The following GMPPA variants were observed in gnomAD, a reference collection of about 807,000 sequenced individuals.
GMPPA encodes mannose-1-phosphate guanylyltransferase regulatory subunit alpha.
A neutral mutation model predicts 58.6 loss-of-function variants in GMPPA; 46 were observed. The observed-to-expected ratio is 0.78, with a 90% CI of 0.62 to 1.00. GMPPA has a LOEUF of 1.00. Among genes scored for constraint, GMPPA ranks in the 50% least tolerant of loss-of-function variants. GMPPA has a pLI of 0.00. For missense variants in GMPPA, 468 were observed against 556.4 expected (o/e 0.84, Z 1.60); for synonymous variants, 211 against 214.9 (o/e 0.98, Z 0.16).
At chr2:219,499,721 G>C (rs560995723) in intron 1 of GMPPA, 7 of 587,378 alleles carry the variant, frequency 1.2e-5, no homozygotes, top group South Asian at 2.0e-5. Flanking sequence ...TTACATCTTG[G>C]GGGAGGGCTA....
intron 7 of GMPPA, chr2:219,504,532 G>A (rs1694508107): frequency 2.5e-6 from 1 of 405,174 alleles, no homozygotes; most frequent in Non-Finnish European, 4.5e-6. Flanking sequence ...ATGCTCGGGT[G>A]CAGACGTGTG....
chr2:219,501,777 G>A lies in GMPPA; in HGVS notation c.243-74G>A, dbSNP rs547259164. 2.1e-4 allele frequency: 288 copies of A among 1,349,970 alleles called. 3 individuals are homozygous for A. In the South Asian group the frequency reaches 2.7e-3, roughly 13 times the overall value. The allele number at this position is 1,349,970 out of a possible 1,614,324, so 83.6% of individuals were successfully genotyped here. ...GGAGTAGTCCTGGGAGCAAGCGGTG[G>A]CGGTCAGGTGCCCTGGCTCATGGTA... On this transcript the variant is annotated intron_variant, in intron 4 of 12. Transcript: ENST00000313597.
intron 6 of GMPPA, 124 bp from the exon 7 acceptor site, chr2:219,503,959 G>A: frequency 9.7e-7 from 1 of 1,028,674 alleles, no homozygotes; most frequent in Non-Finnish European, 1.5e-6. Context: ...GATGCGCACT[G>A]CATTTTAGCC....
Position 219,500,006 on chromosome 2 carries a change from C to A in GMPPA, c.31C>A (p.Pro11Thr). 1 of 1,613,608 alleles carries A rather than the reference C, an allele frequency of 6.2e-7. No individual in the cohort carries two copies. The highest frequency in any genetic ancestry group is 8.5e-7 in the Non-Finnish European group (1 of 1,179,688). Residue 11 changes from proline to threonine, a missense_variant, in exon 2 of 13, where the codon CCT becomes ACT. Transcript: ENST00000313597. MLKAVILIGG[P>T]QKGTRFRPLS... ...CAAAGCGGTGATCCTGATTGGAGGC[C>A]CTCAAAAGGGTGAGGTGCCAGGGGA...
Position 219,504,003 on chromosome 2 carries a change from A to C in GMPPA, c.490-80A>C, listed in dbSNP as rs1052576847. On this transcript the variant is annotated intron_variant, in intron 6 of 12. Transcript: ENST00000313597. ...CTGGCAGCAGGGAGGAGAGGCAAGA[A>C]GGGCCTAGAAATCAGAGGGTCTTAG... The C allele has an allele frequency of 1.1e-5, 17 of 1,516,804 alleles. No homozygotes were observed. In the African/African-American group the frequency reaches 2.1e-4, roughly 19 times the overall value. The allele number at this position is 1,516,804 out of a possible 1,614,324, so 94.0% of individuals were successfully genotyped here.
Position 219,502,451 on chromosome 2 carries a change from G to A in GMPPA, c.489+10G>A. 6.2e-7 allele frequency: 1 copy of A among 1,611,746 alleles called. No homozygotes were observed. Among genetic ancestry groups the A allele is most frequent in the African/African-American group, 1.3e-5 (1 of 74,990 alleles). On this transcript the variant is annotated intron_variant, in intron 6 of 12. Transcript: ENST00000313597. The surrounding 1 kb of genome is among the most constrained non-coding windows in gnomAD (Gnocchi z 4.0). Reference sequence around the variant, plus strand: ...TCCACAGACACACGAGGTGAGAGCAGAGTGGGGGCTGGGTGGGTGCCTACT... The same window carrying A: ...TCCACAGACACACGAGGTGAGAGCAAAGTGGGGGCTGGGTGGGTGCCTACT...
intron 1 of GMPPA, 58 bp from the exon 2 acceptor site, chr2:219,499,897 GT>G: frequency 7.4e-7 from 1 of 1,356,862 alleles, no homozygotes; most frequent in Non-Finnish European, 1.1e-6. Flanking sequence ...TGCTATTTGG[GT>G]TTTGGGGCTT....
At chr2:219,503,505 C>T (rs1350845948) in intron 6 of GMPPA, among the ~76,000 whole-genome samples, 2 of 152,160 alleles carry the variant, frequency 1.3e-5, no homozygotes, top group Non-Finnish European at 2.9e-5. Flanking sequence ...CATGTACACA[C>T]CTACACACAT....
intron 7 of GMPPA, chr2:219,504,858 C>A (rs982712113): frequency 2.8e-6 from 3 of 1,087,282 alleles, no homozygotes; most frequent in Non-Finnish European, 3.4e-6. Context: ...CACCAGCTGC[C>A]TTGCTCTGGG....
intron 7 of GMPPA, chr2:219,504,429 C>T: frequency 1.7e-6 from 1 of 584,686 alleles, no homozygotes; most frequent in Non-Finnish European, 3.0e-6. Context: ...CTGTCACTGC[C>T]TGCCCACTCC....
chr2:219,505,983 G>T lies in GMPPA; in HGVS notation c.904G>T (p.Gly302Cys). 1 of 1,573,020 alleles carries T rather than the reference G, an allele frequency of 6.4e-7. No individual in the cohort carries two copies. Among genetic ancestry groups the T allele is most frequent in the East Asian group, 2.3e-5 (1 of 43,220 alleles). The part of the protein sequence containing the change: ...TAKVAPSAVL[G>C]PNVSIGKGVT... The stretch of plus-strand genomic sequence containing the variant: ...TGGTGTGTGCTTCTCTCCACAGCTG[G>T]GCCCCAACGTCTCCATCGGGAAGGG... The change falls in exon 11 of 13, where the codon GGC becomes TGC. Residue 302 changes from glycine (G) to cysteine (C), a missense_variant. Gly to Cys is a radical substitution (Grantham distance 159). Transcript: ENST00000313597.
intron 7 of GMPPA, chr2:219,504,983 GC>G: frequency 1.1e-6 from 1 of 923,560 alleles, no homozygotes; most frequent in South Asian, 2.2e-5. Flanking sequence ...TGGAAATGGG[GC>G]AGGGATGGGA....
rs539246802 is a variant in GMPPA, at chr2:219,502,070, G to A, written c.429+33G>A. 1 of 1,604,972 alleles carries A rather than the reference G, an allele frequency of 6.2e-7. No individual in the cohort carries two copies. The highest frequency in any genetic ancestry group is 1.1e-5 in the South Asian group (1 of 90,726). On this transcript the variant is annotated intron_variant, in intron 5 of 12. Coordinates refer to ENST00000313597, the MANE Select transcript of GMPPA (RefSeq NM_013335.4). The surrounding 1 kb of genome is among the most constrained non-coding windows in gnomAD (Gnocchi z 4.0). Reference sequence around the variant, plus strand: ...GGTCAGGAGGGCTGGAGGGTGTAGAGGAGGTGATCCCAAGAGCTTCCCGGA... The same window carrying A: ...GGTCAGGAGGGCTGGAGGGTGTAGAAGAGGTGATCCCAAGAGCTTCCCGGA...
intron 7 of GMPPA, 66 bp from the exon 8 acceptor site, chr2:219,505,162 A>T: frequency 6.5e-7 from 1 of 1,547,852 alleles, no homozygotes; most frequent in Non-Finnish European, 8.9e-7. Context: ...TCCCTGGGAG[A>T]CTGTGTTAGC....
Position 219,505,759 on chromosome 2 carries a change from G to A in GMPPA, c.898G>A (p.Val300Met), listed in dbSNP as rs777036634. The change falls in exon 10 of 13, where the codon GTG becomes ATG. Residue 300 changes from valine (V) to methionine (M), a missense_variant and splice_region_variant. Physicochemically the swap from Val to Met is conservative, Grantham distance 21 (BLOSUM62 1). Transcript: ENST00000313597. ...HPTAKVAPSA[V>M]LGPNVSIGKG... ...GACCGCCAAGGTGGCCCCCTCGGCT[G>A]TGGTGAGCACTGGTCCCAGCCCCAG... The A allele has an allele frequency of 6.2e-7, 1 of 1,605,872 alleles. No homozygotes were observed. Among genetic ancestry groups the A allele is most frequent in the Non-Finnish European group, 8.5e-7 (1 of 1,177,082 alleles).
chr2:219,506,044 G>C lies in GMPPA; in HGVS notation c.965G>C (p.Ser322Thr). 1 of 1,593,286 alleles carries C rather than the reference G, an allele frequency of 6.3e-7. No individual in the cohort carries two copies. Among genetic ancestry groups the C allele is most frequent in the Middle Eastern group, 1.7e-4 (1 of 6,020 alleles). ...TVGEGVRLRESIVLHGATLQE... is the reference protein window; with the variant it reads ...TVGEGVRLRETIVLHGATLQE... ...GGTGAGGGTGTGCGGCTCCGGGAGA[G>C]CATCGTCCTCCATGGAGCCACTTTG... Residue 322 changes from serine to threonine, a missense_variant, in exon 11 of 13, where the codon AGC becomes ACC. By Grantham distance (58) the Ser-to-Thr change is moderately conservative (BLOSUM62 1). Coordinates refer to ENST00000313597, the MANE Select transcript of GMPPA (RefSeq NM_013335.4).
At chr2:219,500,394 C>T (rs933554831) in intron 3 of GMPPA, 176 bp downstream of exon 3, 1 of 606,566 alleles carries the variant, frequency 1.6e-6, no homozygotes. Flanking sequence ...GCTGTCTTCC[C>T]CTAATCTAGT....
At chr2:219,499,755 G>A in intron 1 of GMPPA, 2 of 615,406 alleles carry the variant, frequency 3.2e-6, no homozygotes, top group Admixed American at 5.6e-5. Flanking sequence ...GGGGTTTGGG[G>A]TTTGGTTGGG....
At chr2:219,506,574 C>A in intron 12 of GMPPA, 124 bp from the exon 13 acceptor site, 1 of 986,002 alleles carries the variant, frequency 1.0e-6, no homozygotes, top group Non-Finnish European at 1.5e-6. Context: ...TGTGAGTCAC[C>A]GGGGGCATGA....
Sources: allele counts gnomAD v4.1 joint callset (sites outside exome capture counted in the v4.1 genomes callset), GRCh38; gene constraint gnomAD v4.1.1; non-coding constraint Gnocchi (gnomAD v3.1); transcripts MANE v1.5; gene names NCBI Gene and HGNC (gene_info 2026-07-23, HGNC 2026-07-21).